GLCE: variants seen among roughly 807,000 people sequenced by gnomAD.
GLCE encodes D-glucuronyl C5-epimerase.
A neutral mutation model predicts 47.9 loss-of-function variants in GLCE; 19 were observed. That is an observed-to-expected ratio of 0.40 (90% CI 0.28 to 0.58). The LOEUF (loss-of-function observed/expected upper bound fraction) is 0.58, where lower values mean the gene tolerates loss of function less well. Ranked by LOEUF, GLCE falls within the 20% of genes least tolerant of loss-of-function variation. The probability of loss-of-function intolerance (pLI) is 0.48; values close to 1 mark genes in which losing one functional copy is unlikely to be tolerated. For missense variants in GLCE, 556 were observed against 743.3 expected (o/e 0.75, Z 2.93); for synonymous variants, 245 against 263.4 (o/e 0.93, Z 0.68).
chr15:69,249,821 A>G (rs1007575648), intron 2 of GLCE, among the ~76,000 whole-genome samples: 3 of 152,206 alleles, frequency 2.0e-5, no homozygotes, highest in Non-Finnish European at 4.4e-5. Context: ...AAAGTATCAC[A>G]GAAAAGATGT....
At chr15:69,176,011 T>C (rs947718411) in intron 1 of GLCE, among the ~76,000 whole-genome samples, 1 of 152,172 alleles carries the variant, frequency 6.6e-6, no homozygotes, top group African/African-American at 2.4e-5. Flanking sequence ...TACTTTGTCA[T>C]GTAACACTGT....
chr15:69,217,198 C>T (rs2052319452), intron 2 of GLCE, among the ~76,000 whole-genome samples: 1 of 151,676 alleles, frequency 6.6e-6, no homozygotes, highest in South Asian at 2.1e-4. Flanking sequence ...TTGGATGTAA[C>T]TTGTGTATAT....
At chr15:69,222,790 C>T (rs1339599985) in intron 2 of GLCE, among the ~76,000 whole-genome samples, 2 of 152,204 alleles carry the variant, frequency 1.3e-5, no homozygotes, top group African/African-American at 4.8e-5. Flanking sequence ...TCATATCCTG[C>T]TCCTTTGCTG....
intron 3 of GLCE, 53 bp from the exon 4 acceptor site, chr15:69,261,034 A>C (rs1397080228): frequency 1.3e-6 from 2 of 1,535,396 alleles, no homozygotes; most frequent in South Asian, 1.2e-5. Context: ...GGTATTAGGA[A>C]TAGGCTTGTA....
At position 69,252,580 on chromosome 15, in the gene GLCE, G is replaced by A. The variant is rs187408066; in HGVS notation, c.-13-3214G>A. On this transcript the variant is annotated intron_variant, in intron 2 of 4. Coordinates refer to ENST00000261858, the MANE Select transcript of GLCE (RefSeq NM_015554.3). ...CATTACATTTCAACATGAGATTTGG[G>A]TGGGGACAAATGCCCAAACTATATC... 7.2e-5 allele frequency among the ~76,000 whole-genome samples: 11 copies of A among 152,310 alleles called. No individual in the cohort carries two copies. The East Asian group carries it at 1.7e-3, about 24-fold the overall frequency.
At chr15:69,228,686 A>G (rs2052480648) in intron 2 of GLCE, among the ~76,000 whole-genome samples, 1 of 152,162 alleles carries the variant, frequency 6.6e-6, no homozygotes, top group Non-Finnish European at 1.5e-5. Context: ...AATTTGGAAG[A>G]CTAAATTTCT....
intron 1 of GLCE, among the ~76,000 whole-genome samples, chr15:69,185,693 C>A (rs1387449224): frequency 6.6e-6 from 1 of 152,060 alleles, no homozygotes; most frequent in Non-Finnish European, 1.5e-5. Flanking sequence ...CAGAAGAAGA[C>A]TTCTGTGACC....
intron 2 of GLCE, among the ~76,000 whole-genome samples, chr15:69,223,238 G>A (rs1406756394): frequency 5.3e-5 from 8 of 152,144 alleles, no homozygotes. Context: ...TGCAGGGCAG[G>A]TCTAGTGGTA....
intron 2 of GLCE, among the ~76,000 whole-genome samples, chr15:69,241,318 G>A (rs1482636035): frequency 6.6e-6 from 1 of 152,104 alleles, no homozygotes; most frequent in South Asian, 2.1e-4. Flanking sequence ...TTTCAATTCT[G>A]CAAGACTTCA....
intron 1 of GLCE, among the ~76,000 whole-genome samples, chr15:69,171,743 G>C (rs1342611059): frequency 6.6e-6 from 1 of 152,012 alleles, no homozygotes; most frequent in Non-Finnish European, 1.5e-5. Flanking sequence ...CTAAAATTTG[G>C]GAATGACTAT....
chr15:69,186,822 G>T (rs1359836298), intron 1 of GLCE, among the ~76,000 whole-genome samples: 1 of 152,062 alleles, frequency 6.6e-6, no homozygotes, highest in Admixed American at 6.6e-5. Flanking sequence ...TAGCTTACAA[G>T]GTATGACAGA....
intron 1 of GLCE, among the ~76,000 whole-genome samples, chr15:69,177,494 G>A (rs1452618007): frequency 6.6e-6 from 1 of 152,110 alleles, no homozygotes; most frequent in Non-Finnish European, 1.5e-5. Flanking sequence ...AGTATAACTG[G>A]CATATAGTGA....
chr15:69,250,425 C>G (rs2052822715), intron 2 of GLCE, among the ~76,000 whole-genome samples: 1 of 152,096 alleles, frequency 6.6e-6, no homozygotes, highest in Admixed American at 6.6e-5. Flanking sequence ...CATTTGAAAG[C>G]TAAATTTTTC....
Position 69,204,481 on chromosome 15 carries a change from C to T in GLCE, c.-104-5835C>T, listed in dbSNP as rs571435486. Among the ~76,000 whole-genome samples the T allele has an allele frequency of 4.6e-5, 7 of 152,028 alleles. No homozygotes were observed. In the East Asian group the frequency reaches 1.4e-3, roughly 30 times the overall value. ...TGTATTTTTGGTAGAGACAGGGTTT[C>T]ACCATGTTGGCCAGGCTGATCTCAA... is the stretch of plus-strand genomic sequence containing the variant. On this transcript the variant is annotated intron_variant, in intron 1 of 4. Transcript: ENST00000261858.
chr15:69,224,826 A>G (rs191169591), intron 2 of GLCE, among the ~76,000 whole-genome samples: 61 of 152,344 alleles, frequency 4.0e-4, no homozygotes, highest in African/African-American at 1.4e-3. Flanking sequence ...TCAGTGGACT[A>G]CAGAGTTCCA....
At chr15:69,267,274 A>G (rs1320766341) in intron 4 of GLCE, among the ~76,000 whole-genome samples, 1 of 152,232 alleles carries the variant, frequency 6.6e-6, no homozygotes, top group Non-Finnish European at 1.5e-5. Flanking sequence ...TTATTACTAT[A>G]TTCCACTCCA....
chr15:69,169,706 C>T (rs1331957510), intron 1 of GLCE, among the ~76,000 whole-genome samples: 2 of 152,154 alleles, frequency 1.3e-5, no homozygotes, highest in Non-Finnish European at 2.9e-5. Context: ...ATCCATGTCC[C>T]TACAAAGGAC....
chr15:69,200,171 G>C (rs763898819), intron 1 of GLCE, among the ~76,000 whole-genome samples: 8 of 152,100 alleles, frequency 5.3e-5, no homozygotes, highest in Non-Finnish European at 1.2e-4. Flanking sequence ...CGTGCCATCT[G>C]TGTTGTGGCA....
Position 69,268,614 on chromosome 15 carries a change from T to G in GLCE, c.1224T>G (p.Ala408=). The G allele has an allele frequency of 6.2e-7, 1 of 1,614,234 alleles. No homozygotes were observed. Among genetic ancestry groups the G allele is most frequent in the Non-Finnish European group, 8.5e-7 (1 of 1,180,042 alleles). The change falls in exon 5 of 5, where the codon GCT becomes GCG. Residue 408 remains alanine, a synonymous_variant. Coordinates refer to ENST00000261858, the MANE Select transcript of GLCE (RefSeq NM_015554.3). Reference sequence around the variant, plus strand: ...CCCACATGGCTGCATTTTTTGCTGCTAGTGATTGGCTAGTAAGGAACCAGG... The same window carrying G: ...CCCACATGGCTGCATTTTTTGCTGCGAGTGATTGGCTAGTAAGGAACCAGG... ...TTAHMAAFFA[A]SDWLVRNQDE...
Sources: gnomAD v4.1 joint callset for allele counts (sites outside exome capture counted in the v4.1 genomes callset) on GRCh38, gnomAD v4.1.1 for gene constraint, MANE v1.5 for transcripts, NCBI Gene and HGNC (gene_info 2026-07-23, HGNC 2026-07-21) for gene names.